GPX6: variants seen among roughly 807,000 people sequenced by gnomAD.
GPX6 encodes the protein glutathione peroxidase 6.
In GPX6, 21 loss-of-function variants were observed where a neutral mutation model predicts 20.0. That is an observed-to-expected ratio of 1.05 (90% CI 0.74 to 1.51). GPX6 has a LOEUF of 1.51. Among genes scored for constraint, GPX6 ranks in the 40% most tolerant of loss-of-function variants. The pLI, the probability that GPX6 is intolerant of heterozygous loss-of-function variation, is 0.00. For synonymous variants in GPX6, 75 were observed against 98.0 expected, an observed-to-expected ratio of 0.77 and a Z score of 1.38; for missense variants, 233 against 254.7, an observed-to-expected ratio of 0.91 and a Z score of 0.58.
At chr6:28,513,856 C>G (rs1027169308) in intron 1 of GPX6, among the ~76,000 whole-genome samples, 9 of 152,154 alleles carry the variant, frequency 5.9e-5, no homozygotes, top group African/African-American at 1.9e-4. Flanking sequence ...GCAAGAAACT[C>G]TTTATCATCT....
rs1329767273 is a variant in GPX6, at chr6:28,504,350, G to A, written c.608C>T (p.Pro203Leu). 6.2e-7 allele frequency: 1 copy of A among 1,614,166 alleles called. No homozygotes were observed. The highest frequency in any genetic ancestry group is 1.7e-5 in the Admixed American group (1 of 60,032). Reference protein sequence around the residue: ...VPVMHWFHQAPVSTVKSDILE... With the variant: ...VPVMHWFHQALVSTVKSDILE... ...GATGTCTGACTTGACTGTGCTGACT[G>A]GAGCCTGGTGGAACCAATGCATGAC... Residue 203 changes from proline to leucine, a missense_variant, in exon 5 of 5, where the codon CCA becomes CTA. Pro to Leu is a moderately conservative substitution (Grantham distance 98). Coordinates refer to ENST00000361902, the MANE Select transcript of GPX6 (RefSeq NM_182701.1).
intron 2 of GPX6, among the ~76,000 whole-genome samples, chr6:28,507,092 C>T (rs1477791016): frequency 6.6e-6 from 1 of 152,210 alleles, no homozygotes; most frequent in Non-Finnish European, 1.5e-5. Flanking sequence ...CTCCCTGGGA[C>T]GCCAGGCCAT....
rs757259977 is a variant in GPX6, at chr6:28,510,754, G to A, written c.238C>T (p.Pro80Ser). Residue 80 changes from proline (P) to serine (S), a missense_variant, in exon 2 of 5, where the codon CCT (proline) becomes TCT (serine). Physicochemically the swap from Pro to Ser is moderately conservative, Grantham distance 74. Transcript: ENST00000361902. Reference sequence around the variant, plus strand: ...GAGTTGAAACGTGAGTTCTTACCAGGATACTGAGCTGCCAAGCCTCAATAG... The same window carrying A: ...GAGTTGAAACGTGAGTTCTTACCAGAATACTGAGCTGCCAAGCCTCAATAG... Reference protein sequence around the residue: ...AAYUGLAAQYPELNALQEELK... With the variant: ...AAYUGLAAQYSELNALQEELK... 1 of 1,612,958 alleles carries A rather than the reference G, an allele frequency of 6.2e-7. No individual in the cohort carries two copies. Among genetic ancestry groups the A allele is most frequent in the Non-Finnish European group, 8.5e-7 (1 of 1,179,742 alleles).
At chr6:28,512,835 G>A (rs948095662) in intron 1 of GPX6, among the ~76,000 whole-genome samples, 1 of 151,608 alleles carries the variant, frequency 6.6e-6, no homozygotes, top group East Asian at 1.9e-4. Flanking sequence ...TGCCTTAAGA[G>A]CTGTAACACT....
intron 4 of GPX6, among the ~76,000 whole-genome samples, 157 bp from the exon 5 acceptor site, chr6:28,504,655 T>C (rs1762790591): frequency 6.6e-6 from 1 of 152,202 alleles, no homozygotes; most frequent in South Asian, 2.1e-4. Context: ...CCACAGACAC[T>C]GCAATGTATC....
At chr6:28,509,211 A>C (rs1762836758) in intron 2 of GPX6, among the ~76,000 whole-genome samples, 1 of 151,844 alleles carries the variant, frequency 6.6e-6, no homozygotes, top group South Asian at 2.1e-4. Context: ...TGTGTGGAAA[A>C]TTTTTCTTAA....
chr6:28,510,926 C>G, intron 1 of GPX6, 22 bp from the exon 2 acceptor site: 1 of 1,579,158 alleles, frequency 6.3e-7, no homozygotes, highest in Non-Finnish European at 8.6e-7. Flanking sequence ...CAAAAATAAC[C>G]ATAACGATAT....
intron 1 of GPX6, among the ~76,000 whole-genome samples, chr6:28,513,638 A>G (rs796793993): frequency 8.5e-5 from 13 of 152,336 alleles, no homozygotes; most frequent in African/African-American, 2.9e-4. Context: ...TCTACCCACA[A>G]GCATGCCAAG....
chr6:28,509,520 C>G (rs112303950), intron 2 of GPX6, among the ~76,000 whole-genome samples: 1 of 152,092 alleles, frequency 6.6e-6, no homozygotes, highest in Non-Finnish European at 1.5e-5. Flanking sequence ...GGCGACAGAG[C>G]GAGACTGTCT....
In GPX6 at chr6:28,515,786, C is replaced by T. The variant is rs1389154566; in HGVS notation, c.-43G>A. 1 of 1,534,864 alleles carries T rather than the reference C, an allele frequency of 6.5e-7. No homozygotes were observed. The highest frequency in any genetic ancestry group is 9.0e-7 in the Non-Finnish European group (1 of 1,108,958). On this transcript the variant is annotated 5_prime_UTR_variant, in exon 1 of 5. Coordinates refer to ENST00000361902, the MANE Select transcript of GPX6 (RefSeq NM_182701.1). ...GACTCTGAGGTCCCCAGGATTTCAG[C>T]CCCTTTTGAGCCCCTGGCAGGGACC...
Position 28,513,048 on chromosome 6 carries a change from G to A in GPX6, c.88-2144C>T, listed in dbSNP as rs766926309. Among the ~76,000 whole-genome samples the A allele has an allele frequency of 2.0e-4, 31 of 152,174 alleles. 1 individual carries two copies. The highest frequency in any genetic ancestry group is 2.6e-4 in the Admixed American group (4 of 15,284). On this transcript the variant is annotated intron_variant, in intron 1 of 4. Transcript: ENST00000361902. The stretch of plus-strand genomic sequence containing the variant: ...AACCCACCAATTTTGAACACAGTAG[G>A]AGCACACTGGAAGGCCATTGACAGC...
At position 28,513,556 on chromosome 6, in the gene GPX6, T is replaced by C. The variant is rs183556543; in HGVS notation, c.87+2101A>G. 1.6e-3 allele frequency among the ~76,000 whole-genome samples: 249 copies of C among 152,302 alleles called. 2 individuals carry two copies. The highest frequency in any genetic ancestry group is 2.3e-3 in the Non-Finnish European group (158 of 68,032). ...AACTCATCCTTGGCACCCACTTCTT[T>C]ATATTGTGGTGAAACAGCCTGAACT... On this transcript the variant is annotated intron_variant, in intron 1 of 4. Transcript: ENST00000361902.
intron 1 of GPX6, among the ~76,000 whole-genome samples, chr6:28,512,335 G>A (rs960901107): frequency 6.6e-6 from 1 of 152,256 alleles, no homozygotes; most frequent in African/African-American, 2.4e-5. Context: ...CTAGCTCAAG[G>A]TTTGTAAACA....
Position 28,504,420 on chromosome 6 carries a change from G to A in GPX6, c.538C>T (p.Arg180Cys), listed in dbSNP as rs758610701. ...FWEPMKVHDI[R>C]WNFEKFLVGP... is the part of the protein sequence containing the mutation. ...ACCAGAAATTTCTCAAAGTTCCAGC[G>A]GATATCATGGACCTTCATGGGCTCC... The change falls in exon 5 of 5, where the codon CGC (arginine) becomes TGC (cysteine). Residue 180 changes from arginine to cysteine, a missense_variant. Transcript: ENST00000361902. 2.2e-5 allele frequency: 35 copies of A among 1,614,022 alleles called. No individual in the cohort carries two copies. The highest frequency in any genetic ancestry group is 6.7e-5 in the East Asian group (3 of 44,900).
At chr6:28,506,279 A>G (rs1321781752) in intron 3 of GPX6, 33 bp downstream of exon 3, 1 of 1,281,280 alleles carries the variant, frequency 7.8e-7, no homozygotes, top group Non-Finnish European at 1.1e-6. Context: ...AAATCCCGAC[A>G]GGGCATCTGC....
In GPX6 at chr6:28,512,893, C is replaced by T. The variant is rs183134010; in HGVS notation, c.88-1989G>A. On this transcript the variant is annotated intron_variant, in intron 1 of 4. Transcript: ENST00000361902. ...ACTCTTGAGCCTCTGCAGCTTCACT[C>T]TTGAGCCAGCAAGACCACAAACCCG... Among the ~76,000 whole-genome samples, 134 of 152,298 alleles carry T rather than the reference C, an allele frequency of 8.8e-4. 5 individuals carry two copies. The East Asian group carries it at 0.017, about 19-fold the overall frequency.
intron 2 of GPX6, among the ~76,000 whole-genome samples, chr6:28,508,959 A>G (rs1209989013): frequency 6.6e-6 from 1 of 152,212 alleles, no homozygotes; most frequent in Non-Finnish European, 1.5e-5. Context: ...AGCCATTTGT[A>G]CTTTGGAGGA....
intron 1 of GPX6, among the ~76,000 whole-genome samples, chr6:28,512,747 C>T (rs199602880): frequency 1.2e-4 from 18 of 152,166 alleles, no homozygotes; most frequent in African/African-American, 3.4e-4. Flanking sequence ...TAACACTCAC[C>T]GTGAAGGTCT....
chr6:28,504,443 T>G lies in GPX6; in HGVS notation c.515A>C (p.Glu172Ala). Residue 172 changes from glutamate (E) to alanine (A), a missense_variant, in exon 5 of 5, where the codon GAG (glutamate) becomes GCG (alanine). Physicochemically the swap from Glu to Ala is moderately radical, Grantham distance 107. Transcript: ENST00000361902. Reference sequence around the variant, plus strand: ...GCGGATATCATGGACCTTCATGGGCTCCCAGAAGAGTTGGCTTGATGAGCC... The same window carrying G: ...GCGGATATCATGGACCTTCATGGGCGCCCAGAAGAGTTGGCTTGATGAGCC... ...LLGSSSQLFW[E>A]PMKVHDIRWN... is the part of the protein sequence containing the mutation. 1 of 1,614,122 alleles carries G rather than the reference T, an allele frequency of 6.2e-7. No homozygotes were observed. The highest frequency in any genetic ancestry group is 8.5e-7 in the Non-Finnish European group (1 of 1,180,034).
Sources: allele counts gnomAD v4.1 joint callset (sites outside exome capture counted in the v4.1 genomes callset), GRCh38; gene constraint gnomAD v4.1.1; transcripts MANE v1.5; gene names NCBI Gene and HGNC (gene_info 2026-07-23, HGNC 2026-07-21).